Variants in RGS7 observed in about 807,000 individuals in gnomAD.
The protein encoded by RGS7 is regulator of G protein signaling 7, also known as regulator of G-protein signaling 7.
A neutral mutation model predicts 81.1 loss-of-function variants in RGS7; 27 were observed. That is an observed-to-expected ratio of 0.33 (90% CI 0.25 to 0.46). RGS7 has a LOEUF of 0.46. Ranked by LOEUF, RGS7 falls within the 20% of genes least tolerant of loss-of-function variation. RGS7 has a pLI of 1.00. For missense variants in RGS7, 396 were observed against 607.4 expected (o/e 0.65, Z 3.66); for synonymous variants, 208 against 207.7 (o/e 1.00, Z -0.01).
intron 2 of RGS7, among the ~76,000 whole-genome samples, chr1:241,327,058 G>A (rs12031274): frequency 5.5e-5 from 4 of 72,926 alleles, no homozygotes; most frequent in African/African-American, 2.3e-4. Flanking sequence ...GGAAAGGAAG[G>A]AAGAAGGAAG....
intron 15 of RGS7, among the ~76,000 whole-genome samples, chr1:240,805,925 A>T (rs1688761566): frequency 6.6e-6 from 1 of 151,972 alleles, no homozygotes; most frequent in African/African-American, 2.4e-5. Context: ...CCTTCATATA[A>T]AAATATTCAA....
chr1:241,143,788 T>C (rs1299699902), intron 2 of RGS7, among the ~76,000 whole-genome samples: 2 of 152,178 alleles, frequency 1.3e-5, no homozygotes, highest in Admixed American at 1.3e-4. Context: ...AAATCACCAC[T>C]GTATTTAGAG....
chr1:241,246,778 T>C (rs1374661666), intron 2 of RGS7, among the ~76,000 whole-genome samples: 1 of 151,956 alleles, frequency 6.6e-6, no homozygotes, highest in Non-Finnish European at 1.5e-5. Flanking sequence ...TTGAACACAC[T>C]GTAAATCTTG....
chr1:241,047,392 A>G (rs896749372), intron 3 of RGS7, among the ~76,000 whole-genome samples: 1 of 152,054 alleles, frequency 6.6e-6, no homozygotes, highest in Non-Finnish European at 1.5e-5. Flanking sequence ...GCTTCCTGGT[A>G]TCTTTCTTTC....
chr1:241,329,307 T>C (rs2081818985), intron 2 of RGS7, among the ~76,000 whole-genome samples: 1 of 152,208 alleles, frequency 6.6e-6, no homozygotes, highest in South Asian at 2.1e-4. Flanking sequence ...ACAAAGATAC[T>C]ATCATTAGAA....
At chr1:241,263,681 A>G (rs2077451275) in intron 2 of RGS7, among the ~76,000 whole-genome samples, 1 of 152,216 alleles carries the variant, frequency 6.6e-6, no homozygotes, top group South Asian at 2.1e-4. Context: ...TACACAATTT[A>G]TATGCATGAA....
At chr1:240,822,954 A>T in intron 10 of RGS7, 1 of 487,540 alleles carries the variant, frequency 2.1e-6, no homozygotes, top group South Asian at 2.1e-5. Context: ...ACGAATAAAT[A>T]ATACATTTTT....
At chr1:241,272,917 T>G (rs1161807222) in intron 2 of RGS7, among the ~76,000 whole-genome samples, 1 of 152,198 alleles carries the variant, frequency 6.6e-6, no homozygotes, top group Non-Finnish European at 1.5e-5. Flanking sequence ...ATCATTTCTA[T>G]CTCTCTAAGA....
chr1:241,214,621 G>A (rs2074442588), intron 2 of RGS7, among the ~76,000 whole-genome samples: 1 of 151,712 alleles, frequency 6.6e-6, no homozygotes, highest in African/African-American at 2.4e-5. Flanking sequence ...TCTTCATCAA[G>A]GACTACAGAT....
rs569208206 is a variant in RGS7, at chr1:240,821,226, G to A, written c.685-4811C>T. On this transcript the variant is annotated intron_variant, in intron 10 of 18. Transcript: ENST00000440928. ...CCAGCACTTAGGGAGGCTGAAGCAA[G>A]TGGATCACCTGAGGTCAGGAGTTCG... is the stretch of plus-strand genomic sequence containing the variant. 2.6e-5 allele frequency among the ~76,000 whole-genome samples: 4 copies of A among 152,316 alleles called. No individual in the cohort carries two copies. The South Asian group carries it at 8.3e-4, about 32-fold the overall frequency.
intron 2 of RGS7, among the ~76,000 whole-genome samples, chr1:241,158,445 A>G (rs2069358634): frequency 6.6e-6 from 1 of 152,210 alleles, no homozygotes; most frequent in Non-Finnish European, 1.5e-5. Context: ...GTGCACAATG[A>G]TGTAGAGACC....
intron 3 of RGS7, among the ~76,000 whole-genome samples, chr1:241,077,553 C>T (rs2062870874): frequency 6.6e-6 from 1 of 152,116 alleles, no homozygotes; most frequent in Non-Finnish European, 1.5e-5. Flanking sequence ...GGATCGTGGT[C>T]CAGTGTACGT....
chr1:240,868,852 C>G lies in RGS7; in HGVS notation c.451G>C (p.Glu151Gln). ...ARLELADYEAESLARLQRAFA... is the reference protein window; with the variant it reads ...ARLELADYEAQSLARLQRAFA... The stretch of plus-strand genomic sequence containing the variant: ...GCTCTCTGCAGCCTGGCCAGGCTCT[C>G]CTGAAAAACATACCCCAGGTGAAGA... The change falls in exon 8 of 19, where the codon GAG becomes CAG. Residue 151 changes from glutamate (E) to glutamine (Q), a missense_variant and splice_region_variant. Physicochemically the swap from Glu to Gln is conservative, Grantham distance 29 (BLOSUM62 2). Transcript: ENST00000440928. The surrounding 1 kb of genome is among the most constrained non-coding windows in gnomAD (Gnocchi z 5.1). The G allele has an allele frequency of 2.5e-6, 4 of 1,613,888 alleles. No individual in the cohort carries two copies. Among genetic ancestry groups the G allele is most frequent in the Non-Finnish European group, 3.4e-6 (4 of 1,179,914 alleles).
At chr1:240,793,953 T>A (rs1686560110) in intron 18 of RGS7, among the ~76,000 whole-genome samples, 1 of 152,044 alleles carries the variant, frequency 6.6e-6, no homozygotes, top group Non-Finnish European at 1.5e-5. Context: ...TATTAGTGTA[T>A]CTATAATCCC....
At chr1:241,234,418 G>A (rs892364779) in intron 2 of RGS7, among the ~76,000 whole-genome samples, 4 of 152,130 alleles carry the variant, frequency 2.6e-5, no homozygotes, top group African/African-American at 7.2e-5. Context: ...GAAGCTCATC[G>A]GGCAGCTCCC....
intron 4 of RGS7, among the ~76,000 whole-genome samples, chr1:240,942,191 A>T (rs763071675): frequency 5.3e-5 from 8 of 152,210 alleles, no homozygotes; most frequent in Non-Finnish European, 8.8e-5. Context: ...TCTCCACAGC[A>T]TAATTTGCTT....
chr1:241,211,062 A>T (rs1285414288), intron 2 of RGS7, among the ~76,000 whole-genome samples: 1 of 152,192 alleles, frequency 6.6e-6, no homozygotes, highest in Admixed American at 6.5e-5. Context: ...AGAAGGATGG[A>T]TCACCTGAGG....
At chr1:240,977,624 A>C (rs1419938075) in intron 4 of RGS7, among the ~76,000 whole-genome samples, 3 of 152,232 alleles carry the variant, frequency 2.0e-5, no homozygotes, top group Non-Finnish European at 4.4e-5. Flanking sequence ...AATATTCCAT[A>C]TATAAGACCA....
chr1:240,956,979 C>T (rs73121887), intron 4 of RGS7, among the ~76,000 whole-genome samples: 5,174 of 152,194 alleles, frequency 0.034, 288 homozygotes, highest in African/African-American at 0.12. Context: ...GTCTAGAGGA[C>T]CAGAAGAGGT....
Sources: gnomAD v4.1 joint callset for allele counts (sites outside exome capture counted in the v4.1 genomes callset) on GRCh38, gnomAD v4.1.1 for gene constraint, Gnocchi (gnomAD v3.1) non-coding constraint, MANE v1.5 for transcripts, NCBI Gene and HGNC (gene_info 2026-07-23, HGNC 2026-07-21) for gene names.